The following RGS7BP variants were observed in gnomAD, a reference collection of about 807,000 sequenced individuals.
RGS7BP encodes the protein regulator of G protein signaling 7 binding protein, also known as regulator of G protein signaling 7-binding protein.
Under a neutral mutation model 31.3 loss-of-function variants are expected in RGS7BP, and 9 were observed. The observed-to-expected ratio is 0.29, with a 90% CI of 0.17 to 0.50. The LOEUF is 0.50. Among genes scored for constraint, RGS7BP ranks in the 20% least tolerant of loss-of-function variants. The probability of loss-of-function intolerance (pLI) is 0.98; values close to 1 mark genes in which losing one functional copy is unlikely to be tolerated. For missense variants in RGS7BP, 274 were observed against 322.0 expected, an observed-to-expected ratio of 0.85 and a Z score of 1.14; for synonymous variants, 115 against 120.1, an observed-to-expected ratio of 0.96 and a Z score of 0.28.
chr5:64,553,195 C>T (rs768683828), intron 2 of RGS7BP, among the ~76,000 whole-genome samples: 26 of 73,540 alleles, frequency 3.5e-4, no homozygotes, highest in Non-Finnish European at 5.9e-4. Context: ...TTTTTTGAAA[C>T]GGAGTCTCAC....
intron 3 of RGS7BP, among the ~76,000 whole-genome samples, chr5:64,594,385 T>A (rs1431944634): frequency 2.6e-5 from 4 of 152,132 alleles, no homozygotes; most frequent in Non-Finnish European, 5.9e-5. Flanking sequence ...TCCCCCCTCC[T>A]GAGCTAACTT....
At chr5:64,507,620 T>C in intron 1 of RGS7BP, 91 bp from the exon 2 acceptor site, 1 of 1,178,898 alleles carries the variant, frequency 8.5e-7, no homozygotes, top group Non-Finnish European at 1.2e-6. Flanking sequence ...GACTCAGGGG[T>C]CAGTGAAAGC....
intron 3 of RGS7BP, among the ~76,000 whole-genome samples, chr5:64,585,922 C>A (rs938031529): frequency 1.3e-5 from 2 of 152,132 alleles, no homozygotes; most frequent in Non-Finnish European, 2.9e-5. Context: ...CTCTTCCTCC[C>A]CTACCCCATC....
intron 2 of RGS7BP, among the ~76,000 whole-genome samples, chr5:64,516,720 C>T (rs1748985600): frequency 6.6e-6 from 1 of 152,170 alleles, no homozygotes; most frequent in African/African-American, 2.4e-5. Context: ...ACAAGCACCA[C>T]TGCATCTCCC....
intron 2 of RGS7BP, among the ~76,000 whole-genome samples, chr5:64,560,069 T>C (rs1343248898): frequency 6.6e-6 from 1 of 152,208 alleles, no homozygotes; most frequent in African/African-American, 2.4e-5. Context: ...GTTCATCATT[T>C]AATAAGGCAC....
rs1267551052 is a variant in RGS7BP at position 64,516,147 on chromosome 5, A to C, written c.332+8270A>C. Among the ~76,000 whole-genome samples, 4 of 152,318 alleles carry C rather than the reference A, an allele frequency of 2.6e-5. No individual in the cohort carries two copies. In the East Asian group the frequency reaches 7.7e-4, roughly 29 times the overall value. ...CTAATAGAAGACTCTAGATACAATC[A>C]GGTTAACAAAAGTCAATTTAACATT... is the stretch of plus-strand genomic sequence containing the variant. On this transcript the variant is annotated intron_variant, in intron 2 of 5. Coordinates refer to ENST00000334025, the MANE Select transcript of RGS7BP (RefSeq NM_001029875.3).
chr5:64,530,928 C>T (rs1430916908), intron 2 of RGS7BP, among the ~76,000 whole-genome samples: 1 of 152,146 alleles, frequency 6.6e-6, no homozygotes, highest in African/African-American at 2.4e-5. Flanking sequence ...AATGCACAGT[C>T]TACATAGCTG....
rs1748677318 is a variant in RGS7BP, at chr5:64,506,358, G to C, written c.-267G>C. On this transcript the variant is annotated 5_prime_UTR_variant, in exon 1 of 6. Transcript: ENST00000334025. This position sits in a 1 kb window ranked among gnomAD's most constrained non-coding sequence, Gnocchi z 4.6. The stretch of plus-strand genomic sequence containing the variant: ...GAGCCCGCGCCAGCGCCCAGCTCCC[G>C]GGACAGGGTCGGCAATGCTGCTGAG... The C allele has an allele frequency of 2.9e-6, 1 of 341,326 alleles. No homozygotes were observed. The highest frequency in any genetic ancestry group is 5.3e-6 in the Non-Finnish European group (1 of 189,768). The allele number at this position is 341,326 out of a possible 1,614,324, so 21.1% of individuals were successfully genotyped here.
At chr5:64,515,149 A>C (rs78016976) in intron 2 of RGS7BP, among the ~76,000 whole-genome samples, 7 of 152,180 alleles carry the variant, frequency 4.6e-5, no homozygotes, top group Admixed American at 4.6e-4. Flanking sequence ...TTTTCTGTTC[A>C]TTAAGTTTAC....
At chr5:64,584,622 T>C (rs912881338) in intron 3 of RGS7BP, among the ~76,000 whole-genome samples, 1 of 152,204 alleles carries the variant, frequency 6.6e-6, no homozygotes, top group African/African-American at 2.4e-5. Flanking sequence ...CTGTGCTTCT[T>C]ACACAGCTAC....
chr5:64,527,431 GA>G (rs1418856498), intron 2 of RGS7BP, among the ~76,000 whole-genome samples: 1 of 152,152 alleles, frequency 6.6e-6, no homozygotes, highest in East Asian at 1.9e-4. Context: ...TACTGGTATG[GA>G]GGAAAGAGGC....
intron 2 of RGS7BP, among the ~76,000 whole-genome samples, chr5:64,548,482 T>C (rs1741712807): frequency 6.6e-6 from 1 of 152,176 alleles, no homozygotes; most frequent in Non-Finnish European, 1.5e-5. Flanking sequence ...TTTGAAGTAT[T>C]TTACTGGACA....
At chr5:64,604,196 A>C (rs1743295191) in intron 5 of RGS7BP, among the ~76,000 whole-genome samples, 1 of 152,052 alleles carries the variant, frequency 6.6e-6, no homozygotes, top group South Asian at 2.1e-4. Context: ...TGTTCTCTCC[A>C]TTCTGAAGGC....
intron 2 of RGS7BP, among the ~76,000 whole-genome samples, chr5:64,523,331 G>A (rs951880528): frequency 7.3e-5 from 10 of 136,552 alleles, no homozygotes; most frequent in Admixed American, 4.4e-4. Context: ...TTGGCCAAAT[G>A]TGCCATTTTT....
intron 2 of RGS7BP, among the ~76,000 whole-genome samples, chr5:64,560,566 CT>C (rs1742030056): frequency 6.8e-6 from 1 of 146,456 alleles, no homozygotes; most frequent in Admixed American, 6.9e-5. Context: ...TATATATAAT[CT>C]ATCAACAAGT....
intron 3 of RGS7BP, among the ~76,000 whole-genome samples, chr5:64,588,027 C>G (rs1348074493): frequency 6.6e-6 from 1 of 151,996 alleles, no homozygotes; most frequent in Non-Finnish European, 1.5e-5. Flanking sequence ...CCAAATATAA[C>G]AAATGATTAA....
intron 2 of RGS7BP, among the ~76,000 whole-genome samples, chr5:64,512,497 C>T (rs1486419638): frequency 6.6e-6 from 1 of 152,202 alleles, no homozygotes; most frequent in Non-Finnish European, 1.5e-5. Flanking sequence ...CTCTCCCTCT[C>T]TGCTTCAGTT....
chr5:64,573,980 G>A (rs1344262226), intron 2 of RGS7BP, among the ~76,000 whole-genome samples: 2 of 151,966 alleles, frequency 1.3e-5, no homozygotes, highest in African/African-American at 2.4e-5. Flanking sequence ...AGCCACCAGG[G>A]CCAATGTTGT....
intron 5 of RGS7BP, among the ~76,000 whole-genome samples, chr5:64,602,148 A>G (rs947641521): frequency 2.6e-5 from 4 of 152,152 alleles, no homozygotes; most frequent in African/African-American, 9.7e-5. Context: ...TCCAGAACCG[A>G]ACCTGGCTGT....
Sources: allele counts gnomAD v4.1 joint callset (sites outside exome capture counted in the v4.1 genomes callset), GRCh38; gene constraint gnomAD v4.1.1; non-coding constraint Gnocchi (gnomAD v3.1); transcripts MANE v1.5; gene names NCBI Gene and HGNC (gene_info 2026-07-23, HGNC 2026-07-21).